Variants in ABCB1 observed in about 807,000 individuals in gnomAD.
ABCB1 encodes ATP binding cassette subfamily B member 1, also known as ATP-dependent translocase ABCB1.
Under a neutral mutation model 142.0 loss-of-function variants are expected in ABCB1, and 69 were observed. That is an observed-to-expected ratio of 0.49 (90% CI 0.40 to 0.59). ABCB1 has a LOEUF of 0.59. Among genes scored for constraint, ABCB1 ranks in the 20% least tolerant of loss-of-function variants. The pLI, the probability that ABCB1 is intolerant of heterozygous loss-of-function variation, is 0.00. For synonymous variants in ABCB1, 532 were observed against 539.2 expected (o/e 0.99, Z 0.18); for missense variants, 1,326 against 1,554.7 (o/e 0.85, Z 2.47).
intron 1 of ABCB1, among the ~76,000 whole-genome samples, chr7:87,639,951 T>G: frequency 6.6e-6 from 1 of 151,576 alleles, no homozygotes; most frequent in East Asian, 1.9e-4. Flanking sequence ...TTCTCTTTTC[T>G]TGCCTTCTTA....
rs141409661 is a variant in ABCB1, at chr7:87,639,078, G to A, written c.-330-38000C>T. On this transcript the variant is annotated intron_variant, in intron 1 of 28. Coordinates refer to the ABCB1 transcript ENST00000265724. Reference sequence around the variant, plus strand: ...GAGGCAGGAGAATGGTGTAAACCCCGGAGGCGGAGCTTGCAGTGAGAAGAG... The same window carrying A: ...GAGGCAGGAGAATGGTGTAAACCCCAGAGGCGGAGCTTGCAGTGAGAAGAG... Among the ~76,000 whole-genome samples the A allele has an allele frequency of 3.9e-3, 587 of 151,154 alleles. 4 individuals are homozygous for A. The highest frequency in any genetic ancestry group is 5.3e-3 in the Non-Finnish European group (362 of 67,900).
chr7:87,542,061 AC>A (rs1296127176), intron 17 of ABCB1, among the ~76,000 whole-genome samples: 1 of 152,214 alleles, frequency 6.6e-6, no homozygotes, highest in Non-Finnish European at 1.5e-5. Context: ...CTCAAGGAAC[AC>A]AGAGGATAAC....
intron 1 of ABCB1, among the ~76,000 whole-genome samples, chr7:87,708,329 C>T (rs1192658974): frequency 6.6e-6 from 1 of 151,970 alleles, no homozygotes; most frequent in African/African-American, 2.4e-5. Context: ...ATCTCACAGA[C>T]ATTAAAAATC....
At chr7:87,713,090 G>T (rs1436422167) in intron 1 of ABCB1, 2 of 152,046 alleles carry the variant, frequency 1.3e-5, no homozygotes, top group African/African-American at 4.8e-5. Context: ...CAAACTTCTA[G>T]TCAAGACAAA....
At chr7:87,532,857 G>A (rs984771779) in intron 20 of ABCB1, among the ~76,000 whole-genome samples, 2 of 151,960 alleles carry the variant, frequency 1.3e-5, no homozygotes, top group Admixed American at 6.6e-5. Context: ...GGTCTGCATC[G>A]GGACCCCTTT....
At chr7:87,551,922 T>C (rs985128455) in intron 9 of ABCB1, among the ~76,000 whole-genome samples, 4 of 152,164 alleles carry the variant, frequency 2.6e-5, no homozygotes, top group African/African-American at 9.7e-5. Flanking sequence ...TTCTGAATCC[T>C]AAATTAGTAA....
intron 21 of ABCB1, among the ~76,000 whole-genome samples, chr7:87,527,268 T>C (rs1467878388): frequency 2.0e-5 from 3 of 152,154 alleles, no homozygotes; most frequent in Non-Finnish European, 2.9e-5. Flanking sequence ...CATATTAGAG[T>C]CTATAGGTAT....
chr7:87,567,719 C>T (rs563868893), intron 5 of ABCB1, among the ~76,000 whole-genome samples: 2 of 152,242 alleles, frequency 1.3e-5, no homozygotes, highest in South Asian at 2.1e-4. Flanking sequence ...TTAAAAAACA[C>T]GAGTATTGTC....
intron 1 of ABCB1, among the ~76,000 whole-genome samples, chr7:87,615,004 C>T (rs1819986098): frequency 6.6e-6 from 1 of 151,998 alleles, no homozygotes; most frequent in African/African-American, 2.4e-5. Flanking sequence ...GCCACCATGT[C>T]CTGCTAAATT....
At chr7:87,520,644 T>C (rs1815459009) in intron 22 of ABCB1, 132 bp downstream of exon 22, 1 of 783,292 alleles carries the variant, frequency 1.3e-6, no homozygotes, top group Non-Finnish European at 2.2e-6. Context: ...ATTACAACTG[T>C]TTCTCAATGG....
chr7:87,592,445 T>A (rs960455568), intron 3 of ABCB1, among the ~76,000 whole-genome samples: 1 of 152,184 alleles, frequency 6.6e-6, no homozygotes, highest in African/African-American at 2.4e-5. Flanking sequence ...TCACCCAAGT[T>A]GGTTGGAGCA....
At chr7:87,574,223 A>G (rs921083997) in intron 4 of ABCB1, among the ~76,000 whole-genome samples, 1 of 152,108 alleles carries the variant, frequency 6.6e-6, no homozygotes, top group Non-Finnish European at 1.5e-5. Flanking sequence ...GAAGGAACAG[A>G]ATGACATCAA....
At position 87,703,914 on chromosome 7, in the gene ABCB1, G is replaced by GTTTTTTTTTTTTTTTT. The variant is rs35797972; in HGVS notation, c.-331+9231_-331+9246dup. Among the ~76,000 whole-genome samples the GTTTTTTTTTTTTTTTT allele has an allele frequency of 1.9e-3, 82 of 42,978 alleles. 1 individual carries two copies. Among genetic ancestry groups the GTTTTTTTTTTTTTTTT allele is most frequent in the South Asian group, 2.6e-3 (3 of 1,170 alleles). 28.2% of individuals were successfully genotyped at this position (42,978 alleles called of 152,430 possible). A position where few individuals can be genotyped will look rare whatever the true frequency, so the allele number is the denominator to read the frequency against. ...TTTTTTTTTTTTTTTTTTTTTTTTG[G>GTTTTTTTTTTTTTTTT]TTTTTTTTTTTTTTTTTTTTTTTTT... On this transcript the variant is annotated intron_variant, in intron 1 of 28. Transcript: ENST00000265724.
chr7:87,703,921 T>G, intron 1 of ABCB1, among the ~76,000 whole-genome samples: 9 of 108,510 alleles, frequency 8.3e-5, no homozygotes, highest in African/African-American at 3.3e-4. Context: ...TTGGTTTTTT[T>G]TTTTTTTTTT....
chr7:87,530,600 AG>A (rs1051287742), intron 21 of ABCB1, among the ~76,000 whole-genome samples: 5 of 152,142 alleles, frequency 3.3e-5, no homozygotes, highest in African/African-American at 1.2e-4. Flanking sequence ...AAGTAAAAAA[AG>A]GGTAAAGATA....
chr7:87,642,082 T>G (rs1046224686), intron 1 of ABCB1, among the ~76,000 whole-genome samples: 19 of 151,822 alleles, frequency 1.3e-4, no homozygotes, highest in African/African-American at 4.6e-4. Context: ...TCACTAATAA[T>G]GGAAATTTTA....
intron 1 of ABCB1, among the ~76,000 whole-genome samples, chr7:87,606,836 TA>T (rs1436996557): frequency 6.6e-6 from 1 of 152,106 alleles, no homozygotes; most frequent in African/African-American, 2.4e-5. Context: ...ATATTTTTTA[TA>T]AAAGTTTGGA....
chr7:87,629,286 G>A, intron 1 of ABCB1: 1 of 226,066 alleles, frequency 4.4e-6, no homozygotes. Context: ...CCATTCAGCT[G>A]TCAGCGAGCT....
intron 25 of ABCB1, among the ~76,000 whole-genome samples, chr7:87,514,773 G>A (rs185255178): frequency 3.9e-4 from 59 of 152,236 alleles, no homozygotes; most frequent in Admixed American, 3.6e-3. Context: ...ATTTTAAAAT[G>A]TCAGAAATAG....
Sources: allele counts gnomAD v4.1 joint callset (sites outside exome capture counted in the v4.1 genomes callset), GRCh38; gene constraint gnomAD v4.1.1; transcripts MANE v1.5; gene names NCBI Gene and HGNC (gene_info 2026-07-23, HGNC 2026-07-21).